Variants in ENOX1 observed in about 807,000 individuals in gnomAD.
ENOX1 encodes the protein ecto-NOX disulfide-thiol exchanger 1.
ENOX1 carries 42 observed loss-of-function variants against 82.5 expected under a neutral mutation model. The observed-to-expected ratio is 0.51, with a 90% CI of 0.40 to 0.66. The LOEUF (loss-of-function observed/expected upper bound fraction) is 0.66. Ranked by LOEUF, ENOX1 falls within the 30% of genes least tolerant of loss-of-function variation. ENOX1 has a pLI of 0.00. For synonymous variants in ENOX1, 271 were observed against 282.2 expected, an observed-to-expected ratio of 0.96 and a Z score of 0.40; for missense variants, 608 against 811.6, an observed-to-expected ratio of 0.75 and a Z score of 3.05.
chr13:43,229,149 G>A (rs2042162239), intron 15 of ENOX1, among the ~76,000 whole-genome samples: 1 of 152,178 alleles, frequency 6.6e-6, no homozygotes, highest in Non-Finnish European at 1.5e-5. Flanking sequence ...CTTGTTTGCT[G>A]CCATGTAAGA....
At position 43,483,997 on chromosome 13, in the gene ENOX1, A is replaced by G; in HGVS notation, c.-75+12T>C. 1 of 985,546 alleles carries G rather than the reference A, an allele frequency of 1.0e-6. No individual in the cohort carries two copies. The highest frequency in any genetic ancestry group is 6.1e-5 in the Admixed American group (1 of 16,276). The allele number at this position is 985,546 out of a possible 1,614,324, so 61.1% of individuals were successfully genotyped here. A position where few individuals can be genotyped will look rare whatever the true frequency, so the allele number is the denominator to read the frequency against. ...TATCTTCAGTAAGAAAAATGAAAAA[A>G]TTAACACAAACCTCAAAACTGCCAG... On this transcript the variant is annotated intron_variant, in intron 3 of 16. Coordinates refer to ENST00000690772, the MANE Select transcript of ENOX1 (RefSeq NM_001347969.2).
intron 9 of ENOX1, among the ~76,000 whole-genome samples, chr13:43,330,104 T>C (rs2048336160): frequency 6.6e-6 from 1 of 152,256 alleles, no homozygotes; most frequent in African/African-American, 2.4e-5. Flanking sequence ...ATGAATTAGA[T>C]GACCACTGAC....
At chr13:43,348,169 T>G (rs527291848) in intron 8 of ENOX1, among the ~76,000 whole-genome samples, 1 of 152,350 alleles carries the variant, frequency 6.6e-6, no homozygotes, top group East Asian at 1.9e-4. Context: ...AGATTCAGCG[T>G]AAGTGCCCTT....
rs754636750 is a variant in ENOX1, at chr13:43,500,109, C to G, written c.-218-15957G>C. Among the ~76,000 whole-genome samples, 5 of 152,058 alleles carry G rather than the reference C, an allele frequency of 3.3e-5. No homozygotes were observed. In the East Asian group the frequency reaches 9.7e-4, roughly 29 times the overall value. ...GCAAGTAAGCTAATATATGGACTAG[C>G]AAGCAACATCAGCAAGCAAACTAAT... On this transcript the variant is annotated intron_variant, in intron 2 of 16. Transcript: ENST00000690772.
At chr13:43,526,665 G>T in intron 2 of ENOX1, among the ~76,000 whole-genome samples, 1 of 152,094 alleles carries the variant, frequency 6.6e-6, no homozygotes, top group East Asian at 1.9e-4. Context: ...AGATACCACA[G>T]TTGAGGGGTA....
chr13:43,347,371 T>C (rs2049458740), intron 8 of ENOX1, among the ~76,000 whole-genome samples: 1 of 152,172 alleles, frequency 6.6e-6, no homozygotes, highest in Non-Finnish European at 1.5e-5. Context: ...AGGAATATAG[T>C]TTCAAAGACT....
At chr13:43,650,969 A>G (rs75077639) in intron 2 of ENOX1, among the ~76,000 whole-genome samples, 1,884 of 152,266 alleles carry the variant, frequency 0.012, 33 homozygotes, top group African/African-American at 0.043. Context: ...CCTAAGCTAT[A>G]AGAGAGATCA....
At chr13:43,489,357 C>G (rs907336612) in intron 2 of ENOX1, among the ~76,000 whole-genome samples, 7 of 152,176 alleles carry the variant, frequency 4.6e-5, no homozygotes, top group African/African-American at 1.4e-4. Flanking sequence ...CCAGCTGCAG[C>G]TGTAAACCCT....
At chr13:43,764,286 T>C (rs1042483909) in intron 1 of ENOX1, among the ~76,000 whole-genome samples, 2 of 152,218 alleles carry the variant, frequency 1.3e-5, no homozygotes, top group African/African-American at 4.8e-5. Context: ...TTAAAATGAT[T>C]GGAGAGTTAG....
chr13:43,435,362 T>A (rs914226285), intron 3 of ENOX1, among the ~76,000 whole-genome samples: 7 of 152,232 alleles, frequency 4.6e-5, no homozygotes, highest in African/African-American at 1.7e-4. Context: ...GTACATTACA[T>A]CCTCCACTTC....
intron 1 of ENOX1, among the ~76,000 whole-genome samples, chr13:43,675,012 T>C (rs1237998465): frequency 1.3e-5 from 2 of 152,186 alleles, no homozygotes; most frequent in African/African-American, 4.8e-5. Flanking sequence ...GCAGAGTGGC[T>C]AGAGTAAGCC....
Position 43,617,124 on chromosome 13 carries a change from T to C in ENOX1, c.-219+50355A>G, listed in dbSNP as rs183604732. Among the ~76,000 whole-genome samples the C allele has an allele frequency of 3.2e-3, 485 of 152,310 alleles. 4 individuals are homozygous for C. Among genetic ancestry groups the C allele is most frequent in the African/African-American group, 0.011 (466 of 41,572 alleles). ...ATTGCTGTCCTGCCCACCAAACCAC[T>C]GATACACCTTTTTCATACAGTTAAA... On this transcript the variant is annotated intron_variant, in intron 2 of 16. Coordinates refer to ENST00000690772, the MANE Select transcript of ENOX1 (RefSeq NM_001347969.2).
intron 2 of ENOX1, among the ~76,000 whole-genome samples, chr13:43,604,622 T>G (rs1170660119): frequency 6.6e-6 from 1 of 152,218 alleles, no homozygotes; most frequent in African/African-American, 2.4e-5. Context: ...ATGTGTCACA[T>G]TGATTCATTT....
At chr13:43,776,056 A>T (rs1369251586) in intron 1 of ENOX1, among the ~76,000 whole-genome samples, 1 of 152,226 alleles carries the variant, frequency 6.6e-6, no homozygotes, top group Non-Finnish European at 1.5e-5. Flanking sequence ...GGAGGCTGAT[A>T]ATACTATAAA....
rs184159073 is a variant in ENOX1, at chr13:43,681,418, C to A, written c.-284-13874G>T. Among the ~76,000 whole-genome samples, 536 of 152,198 alleles carry A rather than the reference C, an allele frequency of 3.5e-3. 1 individual carries two copies. Among genetic ancestry groups the A allele is most frequent in the Non-Finnish European group, 5.8e-3 (393 of 68,014 alleles). On this transcript the variant is annotated intron_variant, in intron 1 of 16. Transcript: ENST00000690772. ...TTCCCTTAGGACAACAAAATGTATACATTTACCCAAAAGCAATATGGCTAG... is the reference window on the plus strand; with the variant it reads ...TTCCCTTAGGACAACAAAATGTATAAATTTACCCAAAAGCAATATGGCTAG...
At chr13:43,457,571 C>G (rs1177616316) in intron 3 of ENOX1, among the ~76,000 whole-genome samples, 2 of 152,068 alleles carry the variant, frequency 1.3e-5, no homozygotes, top group African/African-American at 2.4e-5. Flanking sequence ...GATTTTAAAA[C>G]AGAACAGCAG....
rs144435521 is a variant in ENOX1, at chr13:43,642,341, A to G, written c.-219+25138T>C. Among the ~76,000 whole-genome samples the G allele has an allele frequency of 3.9e-3, 599 of 152,268 alleles. 12 individuals carry two copies. Among genetic ancestry groups the G allele is most frequent in the East Asian group, 7.3e-3 (38 of 5,186 alleles). On this transcript the variant is annotated intron_variant, in intron 2 of 16. Transcript: ENST00000690772. ...AGAAAGCTGGGAGCTGGAAGCTGAG[A>G]AAAATACTACCCACACTGAGTTGGT... is the stretch of plus-strand genomic sequence containing the variant.
intron 2 of ENOX1, among the ~76,000 whole-genome samples, chr13:43,540,937 A>G (rs1184169429): frequency 6.6e-6 from 1 of 152,100 alleles, no homozygotes; most frequent in East Asian, 1.9e-4. Flanking sequence ...GGGGAATAAG[A>G]GACAGGGTGA....
At chr13:43,573,632 G>GCACAA (rs1229632294) in intron 2 of ENOX1, among the ~76,000 whole-genome samples, 1 of 152,154 alleles carries the variant, frequency 6.6e-6, no homozygotes, top group Non-Finnish European at 1.5e-5. Flanking sequence ...ACACAACACA[G>GCACAA]CACAACACAA....
Sources: gnomAD v4.1 joint callset for allele counts (sites outside exome capture counted in the v4.1 genomes callset) on GRCh38, gnomAD v4.1.1 for gene constraint, MANE v1.5 for transcripts, NCBI Gene and HGNC (gene_info 2026-07-23, HGNC 2026-07-21) for gene names.